The following ZNF638 variants were observed in gnomAD, a reference collection of about 807,000 sequenced individuals.
ZNF638 encodes the protein CTCL tumor antigen se33-1.
In ZNF638, 46 loss-of-function variants were observed where a neutral mutation model predicts 195.6. The observed-to-expected ratio is 0.24, with a 90% CI of 0.19 to 0.30. The LOEUF is 0.30. ZNF638 is among the 10% of genes least tolerant of loss of function. The probability of loss-of-function intolerance (pLI) is 1.00; values close to 1 mark genes in which losing one functional copy is unlikely to be tolerated. For synonymous variants in ZNF638, 845 were observed against 772.0 expected (o/e 1.09, Z -1.57); for missense variants, 2,440 against 2,325.3 (o/e 1.05, Z -1.01).
chr2:71,379,202 A>G (rs2079490244), intron 8 of ZNF638, among the ~76,000 whole-genome samples: 1 of 152,224 alleles, frequency 6.6e-6, no homozygotes, highest in Admixed American at 6.5e-5. Flanking sequence ...TCACAGTGCT[A>G]TGAGAAACCA....
intron 14 of ZNF638, 46 bp downstream of exon 14, chr2:71,400,226 C>G: frequency 7.0e-7 from 1 of 1,436,008 alleles, no homozygotes. Flanking sequence ...ATTTTAATTA[C>G]CAATGCCATA....
chr2:71,383,560 G>GTTTT (rs57987492), intron 10 of ZNF638, among the ~76,000 whole-genome samples: 39 of 122,110 alleles, frequency 3.2e-4, no homozygotes, highest in African/African-American at 1.1e-3. Flanking sequence ...TTCCTGGGTG[G>GTTTT]TTTTTTTTTT....
chr2:71,425,661 A>G (rs2080524729), intron 23 of ZNF638, among the ~76,000 whole-genome samples: 2 of 152,058 alleles, frequency 1.3e-5, no homozygotes, highest in South Asian at 2.1e-4. Flanking sequence ...TAACCATTAT[A>G]TTTCTTTTAT....
At chr2:71,391,959 G>A (rs967943036) in intron 10 of ZNF638, among the ~76,000 whole-genome samples, 1 of 152,112 alleles carries the variant, frequency 6.6e-6, no homozygotes, top group African/African-American at 2.4e-5. Flanking sequence ...TAGGACAGAT[G>A]GCCACAGGGC....
At chr2:71,433,556 A>T (rs1177290851) in intron 27 of ZNF638, 1 of 302,340 alleles carries the variant, frequency 3.3e-6, no homozygotes, top group Non-Finnish European at 6.1e-6. Context: ...GCATGTTTTG[A>T]TGCCCTCTTG....
intron 1 of ZNF638, among the ~76,000 whole-genome samples, chr2:71,340,559 A>G (rs2078746252): frequency 6.6e-6 from 1 of 152,250 alleles, no homozygotes; most frequent in Non-Finnish European, 1.5e-5. Context: ...GTGCTCTAAC[A>G]AAGCAGTATC....
Position 71,434,852 on chromosome 2 carries a change from GTTGAT to G in ZNF638, c.*49_*53del. 1 of 1,472,744 alleles carries G rather than the reference GTTGAT, an allele frequency of 6.8e-7. No individual in the cohort carries two copies. Among genetic ancestry groups the G allele is most frequent in the Non-Finnish European group, 9.2e-7 (1 of 1,083,344 alleles). 91.2% of individuals were successfully genotyped at this position (1,472,744 alleles called of 1,614,324 possible). A position where few individuals can be genotyped will look rare whatever the true frequency, so the allele number is the denominator to read the frequency against. On this transcript the variant is annotated 3_prime_UTR_variant, in exon 28 of 28. Transcript: ENST00000264447. ...TCACTAGAAATTTGTTTAGGGTCCA[GTTGAT>G]TTGTGTATTTTTGTTATCATTTAAT...
chr2:71,368,549 C>A, intron 7 of ZNF638, 21 bp downstream of exon 7: 1 of 1,607,328 alleles, frequency 6.2e-7, no homozygotes. Context: ...TAGTCTGTGG[C>A]AAAAATTCAT....
In ZNF638 at chr2:71,410,644, GAT is replaced by G. The variant is rs548946147; in HGVS notation, c.3261+2401_3261+2402del. On this transcript the variant is annotated intron_variant, in intron 20 of 27. Coordinates refer to ENST00000264447, the MANE Select transcript of ZNF638 (RefSeq NM_014497.5). ...TAGTGGAGGAGATAGACTATAAACA[GAT>G]ATAAAAGTGGTAAAAAGACTGTGAA... Among the ~76,000 whole-genome samples, 14 of 152,248 alleles carry G rather than the reference GAT, an allele frequency of 9.2e-5. No homozygotes were observed. The South Asian group carries it at 2.9e-3, about 32-fold the overall frequency.
Position 71,405,644 on chromosome 2 carries a change from T to C in ZNF638, c.3000+2T>C. 6.4e-7 allele frequency: 1 copy of C among 1,558,506 alleles called. No individual in the cohort carries two copies. The highest frequency in any genetic ancestry group is 2.3e-5 in the East Asian group (1 of 43,898). On this transcript the variant is annotated splice_donor_variant, in intron 18 of 27. Coordinates refer to ENST00000264447, the MANE Select transcript of ZNF638 (RefSeq NM_014497.5). LOFTEE classifies it high-confidence loss of function. Reference sequence around the variant, plus strand: ...TTGGTAAAAGAAAATGACCCAGAGGTAAGTTTTGCATTTAAATGCTTTTGT... The same window carrying C: ...TTGGTAAAAGAAAATGACCCAGAGGCAAGTTTTGCATTTAAATGCTTTTGT...
chr2:71,369,322 CAAAAAAAA>C (rs34506232), intron 7 of ZNF638, among the ~76,000 whole-genome samples: 2 of 99,026 alleles, frequency 2.0e-5, no homozygotes, highest in African/African-American at 7.8e-5. Context: ...GGCTCCGTCT[CAAAAAAAA>C]AAAAAAAAAA....
intron 21 of ZNF638, among the ~76,000 whole-genome samples, chr2:71,419,081 A>T (rs1378658553): frequency 1.3e-5 from 2 of 152,314 alleles, no homozygotes; most frequent in East Asian, 3.9e-4. Context: ...TGGGGCGAGT[A>T]AGTATTTGTC....
chr2:71,380,427 T>C, intron 9 of ZNF638, 86 bp from the exon 10 acceptor site: 1 of 1,279,020 alleles, frequency 7.8e-7, no homozygotes. Flanking sequence ...ATTTTAAACG[T>C]TTTTAGGTTT....
chr2:71,349,416 A>G lies in ZNF638; in HGVS notation c.462A>G (p.Leu154=), dbSNP rs192501942. The G allele has an allele frequency of 5.6e-6, 9 of 1,614,210 alleles. No individual in the cohort carries two copies. In the East Asian group the frequency reaches 1.8e-4, roughly 32 times the overall value. ...LASFGLSNED[L]EELSRYPDEQ... is the part of the protein sequence containing the mutation. The stretch of plus-strand genomic sequence containing the variant: ...GTTTTGGATTATCTAATGAAGACCT[A>G]GAAGAACTTAGTCGCTATCCTGATG... The change falls in exon 2 of 28, where the codon CTA becomes CTG. Residue 154 remains leucine, a synonymous_variant. Transcript: ENST00000264447.
At chr2:71,399,076 G>A (rs901321292) in intron 12 of ZNF638, among the ~76,000 whole-genome samples, 1 of 152,018 alleles carries the variant, frequency 6.6e-6, no homozygotes, top group African/African-American at 2.4e-5. Context: ...TTTTTTTAGA[G>A]TTGTCAATTC....
chr2:71,349,430 G>A lies in ZNF638; in HGVS notation c.476G>A (p.Arg159His), dbSNP rs781350176. Residue 159 changes from arginine to histidine, a missense_variant, in exon 2 of 28, where the codon CGC becomes CAC. Arg to His is a conservative substitution (Grantham distance 29, BLOSUM62 0). Transcript: ENST00000264447. The part of the protein sequence containing the change: ...LSNEDLEELS[R>H]YPDEQLTPEN... ...AATGAAGACCTAGAAGAACTTAGTC[G>A]CTATCCTGATGAACAACTAACTCCT... 5.6e-6 allele frequency: 9 copies of A among 1,614,100 alleles called. No individual in the cohort carries two copies. The highest frequency in any genetic ancestry group is 1.6e-4 in the Middle Eastern group (1 of 6,062).
intron 10 of ZNF638, chr2:71,395,734 C>T: frequency 2.5e-6 from 1 of 392,322 alleles, no homozygotes. Flanking sequence ...CGAACAGTCC[C>T]CTAGCCGCAC....
chr2:71,423,996 G>A lies in ZNF638; in HGVS notation c.4482G>A (p.Glu1494=). Residue 1494 remains glutamate, a synonymous_variant, in exon 22 of 28, where the codon GAG becomes GAA. Transcript: ENST00000264447. Reference sequence around the variant, plus strand: ...TAACAAAACAATCTCAGGAAACAGAGGCTAGACCTTCCATCATGAAACGGG... The same window carrying A: ...TAACAAAACAATCTCAGGAAACAGAAGCTAGACCTTCCATCATGAAACGGG... ...RDITKQSQET[E]ARPSIMKRDD... The A allele has an allele frequency of 6.2e-7, 1 of 1,614,016 alleles. No homozygotes were observed. The highest frequency in any genetic ancestry group is 2.2e-5 in the East Asian group (1 of 44,874).
At chr2:71,350,841 T>C (rs1432827859) in intron 2 of ZNF638, among the ~76,000 whole-genome samples, 1 of 152,230 alleles carries the variant, frequency 6.6e-6, no homozygotes, top group Non-Finnish European at 1.5e-5. Flanking sequence ...CAGTAATTAT[T>C]CTGGGACCAG....
Sources: allele counts gnomAD v4.1 joint callset (sites outside exome capture counted in the v4.1 genomes callset), GRCh38; gene constraint gnomAD v4.1.1; transcripts MANE v1.5; gene names NCBI Gene and HGNC (gene_info 2026-07-23, HGNC 2026-07-21).